Variants in HNF4G observed in about 807,000 individuals in gnomAD.
The protein encoded by HNF4G is hepatocyte nuclear factor 4 gamma.
Under a neutral mutation model 50.9 loss-of-function variants are expected in HNF4G, and 21 were observed. That is an observed-to-expected ratio of 0.41 (90% CI 0.29 to 0.59). HNF4G has a LOEUF of 0.59. Among genes scored for constraint, HNF4G ranks in the 20% least tolerant of loss-of-function variants. HNF4G has a pLI of 0.26. For synonymous variants in HNF4G, 198 were observed against 185.6 expected (o/e 1.07, Z -0.54); for missense variants, 527 against 559.4 (o/e 0.94, Z 0.58).
chr8:75,538,082 C>T (rs1052033972), upstream of HNF4G, among the ~76,000 whole-genome samples: 2 of 152,098 alleles, frequency 1.3e-5, no homozygotes, highest in Non-Finnish European at 2.9e-5. Flanking sequence ...CAAAGACTAC[C>T]CACTTGAGGA....
intron 9 of HNF4G, 34 bp from the exon 10 acceptor site, chr8:75,563,941 C>T: frequency 6.2e-7 from 1 of 1,609,750 alleles, no homozygotes; most frequent in Non-Finnish European, 8.5e-7. Flanking sequence ...GACTGACTGC[C>T]ACCATTAGAC....
intron 6 of HNF4G, among the ~76,000 whole-genome samples, chr8:75,556,543 C>A (rs1245154949): frequency 6.6e-6 from 1 of 152,038 alleles, no homozygotes; most frequent in African/African-American, 2.4e-5. Context: ...AATGACTGAA[C>A]AATTTCGATA....
intron 1 of HNF4G, among the ~76,000 whole-genome samples, chr8:75,444,504 AC>A (rs1811372763): frequency 8.3e-6 from 1 of 120,254 alleles, no homozygotes; most frequent in Non-Finnish European, 1.7e-5. Flanking sequence ...AAGAGTCAAG[AC>A]CCATCAGTGT....
At chr8:75,522,613 C>T (rs1030626894) in intron 2 of HNF4G, among the ~76,000 whole-genome samples, 2 of 152,128 alleles carry the variant, frequency 1.3e-5, no homozygotes, top group African/African-American at 4.8e-5. Context: ...ACGATGTTTG[C>T]AGCATTCTTG....
intron 2 of HNF4G, among the ~76,000 whole-genome samples, chr8:75,497,257 A>G (rs1371845116): frequency 9.2e-5 from 14 of 152,164 alleles, no homozygotes; most frequent in Admixed American, 9.2e-4. Flanking sequence ...AGAGGACACC[A>G]CATCTGATTC....
chr8:75,419,449 C>T (rs1048872289), intron 1 of HNF4G, among the ~76,000 whole-genome samples: 1 of 152,182 alleles, frequency 6.6e-6, no homozygotes, highest in Non-Finnish European at 1.5e-5. Context: ...CACAGCAAAG[C>T]ACCCTTCATG....
At chr8:75,432,496 T>A (rs544685529) in intron 1 of HNF4G, among the ~76,000 whole-genome samples, 131 of 152,242 alleles carry the variant, frequency 8.6e-4, no homozygotes, top group Non-Finnish European at 1.5e-3. Flanking sequence ...AGATGGGGTT[T>A]CAGCATGTTG....
At chr8:75,478,420 G>T (rs1367648317) in intron 1 of HNF4G, among the ~76,000 whole-genome samples, 4 of 152,182 alleles carry the variant, frequency 2.6e-5, no homozygotes, top group Non-Finnish European at 4.4e-5. Flanking sequence ...TTGTTTTACG[G>T]ATTCTAAAAT....
intron 1 of HNF4G, among the ~76,000 whole-genome samples, chr8:75,486,820 G>C: frequency 1.3e-5 from 2 of 152,230 alleles, no homozygotes; most frequent in Middle Eastern, 6.8e-3. Flanking sequence ...CCGGGCAACA[G>C]AGCAAGACCC....
chr8:75,423,512 C>T (rs2130496164), intron 1 of HNF4G, among the ~76,000 whole-genome samples: 1 of 151,284 alleles, frequency 6.6e-6, no homozygotes, highest in Admixed American at 6.6e-5. Context: ...CCTCAGCCTC[C>T]CGACTAGCTG....
chr8:75,487,859 C>A (rs894251133), intron 1 of HNF4G, among the ~76,000 whole-genome samples: 3 of 152,216 alleles, frequency 2.0e-5, no homozygotes, highest in African/African-American at 7.2e-5. Flanking sequence ...GCTGGGGAGG[C>A]CTCAGGAAAC....
chr8:75,481,587 A>G (rs1442827196), intron 1 of HNF4G, among the ~76,000 whole-genome samples: 1 of 152,158 alleles, frequency 6.6e-6, no homozygotes, highest in African/African-American at 2.4e-5. Flanking sequence ...GGCAAATCTG[A>G]TAAGCACGAG....
intron 1 of HNF4G, among the ~76,000 whole-genome samples, chr8:75,541,848 G>A (rs868311814): frequency 5.9e-5 from 9 of 151,890 alleles, no homozygotes; most frequent in Non-Finnish European, 1.3e-4. Context: ...TGTATCCTGG[G>A]CATAATCCTA....
At chr8:75,428,063 T>G in intron 1 of HNF4G, among the ~76,000 whole-genome samples, 1 of 152,178 alleles carries the variant, frequency 6.6e-6, no homozygotes, top group Non-Finnish European at 1.5e-5. Context: ...AATGGAACAT[T>G]ACATTGTGGT....
rs532438653 is a variant in HNF4G, at chr8:75,511,799, C to T, written c.-24+21591C>T. On this transcript the variant is annotated intron_variant, in intron 2 of 10. Transcript: ENST00000354370. ...TAGAGACGGGGTTTCACCGTGGTCT[C>T]GATCTCCTGACCTCGTGATCCACCC... Among the ~76,000 whole-genome samples, 5 of 152,222 alleles carry T rather than the reference C, an allele frequency of 3.3e-5. No individual in the cohort carries two copies. In the East Asian group the frequency reaches 7.7e-4, roughly 24 times the overall value.
chr8:75,496,423 T>C (rs1812766019), intron 2 of HNF4G, among the ~76,000 whole-genome samples: 1 of 152,074 alleles, frequency 6.6e-6, no homozygotes, highest in Non-Finnish European at 1.5e-5. Context: ...GAGGTCTTTT[T>C]GTTTATTTTT....
intron 2 of HNF4G, among the ~76,000 whole-genome samples, chr8:75,500,206 C>G (rs1195558135): frequency 6.6e-6 from 1 of 151,990 alleles, no homozygotes; most frequent in East Asian, 1.9e-4. Flanking sequence ...CAAAAATGGG[C>G]AAAGGATTTG....
intron 2 of HNF4G, among the ~76,000 whole-genome samples, chr8:75,515,403 C>G (rs1805862940): frequency 6.6e-6 from 1 of 152,090 alleles, no homozygotes; most frequent in African/African-American, 2.4e-5. Context: ...GACACACACA[C>G]AGAGACACAC....
At chr8:75,506,979 T>G (rs1487297039) in intron 2 of HNF4G, among the ~76,000 whole-genome samples, 1 of 152,204 alleles carries the variant, frequency 6.6e-6, no homozygotes, top group African/African-American at 2.4e-5. Context: ...GCAATTTTAT[T>G]TGGGCCTAAA....
Sources: gnomAD v4.1 joint callset for allele counts (sites outside exome capture counted in the v4.1 genomes callset) on GRCh38, gnomAD v4.1.1 for gene constraint, MANE v1.5 for transcripts, NCBI Gene and HGNC (gene_info 2026-07-23, HGNC 2026-07-21) for gene names.